Variants in KLHL13 observed in about 807,000 individuals in gnomAD.
The protein encoded by KLHL13 is kelch like family member 13.
A neutral mutation model predicts 37.1 loss-of-function variants in KLHL13; 10 were observed. That is an observed-to-expected ratio of 0.27 (90% CI 0.17 to 0.46). The LOEUF (loss-of-function observed/expected upper bound fraction) is 0.46, where lower values mean the gene tolerates loss of function less well. KLHL13 is among the 20% of genes least tolerant of loss of function. KLHL13 has a pLI of 1.00. For missense variants in KLHL13, 360 were observed against 509.3 expected, an observed-to-expected ratio of 0.71 and a Z score of 2.82; for synonymous variants, 163 against 181.2, an observed-to-expected ratio of 0.90 and a Z score of 0.81.
At chrX:118,030,098 A>G (rs1006159022) in intron 1 of KLHL13, among the ~76,000 whole-genome samples, 1 of 111,861 alleles carries the variant, frequency 8.9e-6, no homozygotes. Context: ...TTTAAGGAAA[A>G]GAAATAGAAG....
chrX:118,110,659 G>A (rs995696572), intron 1 of KLHL13, among the ~76,000 whole-genome samples: 9 of 111,217 alleles, frequency 8.1e-5, no homozygotes, highest in Admixed American at 5.7e-4. Flanking sequence ...TTACAGGCGT[G>A]AGCCACCATG....
chrX:118,076,083 C>T (rs2054925166), intron 1 of KLHL13, among the ~76,000 whole-genome samples: 2 of 111,453 alleles, frequency 1.8e-5, no homozygotes, highest in Admixed American at 1.9e-4. Flanking sequence ...GAAATTTCAG[C>T]ATTAGTGATT....
At chrX:117,901,508 AT>A (rs770977548) in intron 6 of KLHL13, among the ~76,000 whole-genome samples, 167 of 102,030 alleles carry the variant, frequency 1.6e-3, no homozygotes, top group Middle Eastern at 4.8e-3. Flanking sequence ...GTTTTTCTGG[AT>A]TTTTTTTTTT....
At chrX:117,985,153 G>C in intron 1 of KLHL13, 1 of 627,664 alleles carries the variant, frequency 1.6e-6, no homozygotes, top group Admixed American at 3.6e-5. Flanking sequence ...TTTGTATATC[G>C]CTTCACAGCC....
chrX:118,095,738 C>A (rs1053182426), intron 1 of KLHL13, among the ~76,000 whole-genome samples: 1 of 112,191 alleles, frequency 8.9e-6, no homozygotes, highest in African/African-American at 3.2e-5. Context: ...TTAAGAAACT[C>A]ATTCAAAACC....
chrX:118,075,643 T>C (rs1482149806), intron 1 of KLHL13, among the ~76,000 whole-genome samples: 2 of 111,188 alleles, frequency 1.8e-5, no homozygotes, highest in Non-Finnish European at 3.8e-5. Context: ...AGACCTGCCA[T>C]TCCCAGTGAC....
At position 117,910,105 on chromosome X, in the gene KLHL13, C is replaced by T. The variant is rs369437910; in HGVS notation, c.571-9G>A. ...CAGTTGTCTAAAGTGACCTATTAAG[C>T]CAATTAAAAAAAATTAAAACATGAC... is the stretch of plus-strand genomic sequence containing the variant. On this transcript the variant is annotated splice_polypyrimidine_tract_variant and intron_variant, in intron 4 of 6. Transcript: ENST00000262820. The T allele has an allele frequency of 8.0e-5, 90 of 1,125,586 alleles. No homozygotes were observed. The highest frequency in any genetic ancestry group is 9.6e-5 in the Non-Finnish European group (82 of 854,996). The allele number at this position is 1,125,586 out of a possible 1,213,427, so 92.8% of individuals were successfully genotyped here.
intron 1 of KLHL13, among the ~76,000 whole-genome samples, chrX:118,005,691 G>A (rs747077650): frequency 9.0e-6 from 1 of 111,583 alleles, no homozygotes; most frequent in Non-Finnish European, 1.9e-5. Context: ...GCCTCTGGAC[G>A]CTGGGAAAGG....
At chrX:118,050,050 CTTTCTTTT>C (rs2054597614) in intron 1 of KLHL13, among the ~76,000 whole-genome samples, 1 of 112,184 alleles carries the variant, frequency 8.9e-6, no homozygotes, top group South Asian at 3.7e-4. Context: ...TCTTTTCTTT[CTTTCTTTT>C]TTTCTTTTTA....
chrX:118,056,053 G>A (rs188025344), intron 1 of KLHL13, among the ~76,000 whole-genome samples: 1 of 111,652 alleles, frequency 9.0e-6, no homozygotes, highest in Admixed American at 9.5e-5. Context: ...CAGATGACAT[G>A]AGCTTGTACG....
chrX:117,976,818 A>T (rs766298245), upstream of KLHL13, among the ~76,000 whole-genome samples: 28 of 112,183 alleles, frequency 2.5e-4, no homozygotes, highest in African/African-American at 9.0e-4. Context: ...GACGTAACAA[A>T]CAAAGGACAA....
chrX:118,060,158 C>T (rs1041429439), intron 1 of KLHL13, among the ~76,000 whole-genome samples: 2 of 111,656 alleles, frequency 1.8e-5, no homozygotes, highest in African/African-American at 6.5e-5. Flanking sequence ...CTATGCAATA[C>T]AGAGGAAGAA....
At chrX:117,914,059 CTG>C (rs1320549068) in intron 4 of KLHL13, among the ~76,000 whole-genome samples, 1 of 110,482 alleles carries the variant, frequency 9.1e-6, no homozygotes, top group East Asian at 2.8e-4. Context: ...CAATAACATA[CTG>C]GTCCTCACTG....
At chrX:118,094,180 C>A (rs2055172714) in intron 1 of KLHL13, among the ~76,000 whole-genome samples, 1 of 110,580 alleles carries the variant, frequency 9.0e-6, no homozygotes. Context: ...ATAACCAATG[C>A]AGAGAAGTCC....
At chrX:117,913,380 A>G (rs182347842) in intron 4 of KLHL13, among the ~76,000 whole-genome samples, 13 of 112,533 alleles carry the variant, frequency 1.2e-4, no homozygotes, top group African/African-American at 4.2e-4. Flanking sequence ...TAGAATACAC[A>G]TTGAAAATAT....
At chrX:117,965,808 T>C (rs1465889983) in intron 1 of KLHL13, among the ~76,000 whole-genome samples, 1 of 111,666 alleles carries the variant, frequency 9.0e-6, no homozygotes, top group Non-Finnish European at 1.9e-5. Flanking sequence ...AAAAACCACA[T>C]GATTATCTCA....
intron 1 of KLHL13, among the ~76,000 whole-genome samples, chrX:118,032,488 C>T (rs958520855): frequency 4.5e-5 from 5 of 111,903 alleles, no homozygotes; most frequent in African/African-American, 1.3e-4. Flanking sequence ...CAGCCTGACA[C>T]CTCACAGGGC....
At chrX:118,018,187 T>C (rs993712530) in intron 1 of KLHL13, among the ~76,000 whole-genome samples, 2 of 111,711 alleles carry the variant, frequency 1.8e-5, no homozygotes, top group African/African-American at 6.5e-5. Flanking sequence ...AAGAAGTTAA[T>C]GCCCTTCTAC....
At chrX:117,973,569 C>A in exon 1 of KLHL13, 3 of 875,438 alleles carry the variant, frequency 3.4e-6, no homozygotes, top group Non-Finnish European at 4.2e-6. Flanking sequence ...TAAACTGCTT[C>A]AGAACTCTGC....
Sources: allele counts gnomAD v4.1 joint callset (sites outside exome capture counted in the v4.1 genomes callset), GRCh38; gene constraint gnomAD v4.1.1; transcripts MANE v1.5; gene names NCBI Gene and HGNC (gene_info 2026-07-23, HGNC 2026-07-21).